Variants in CADM2 observed in about 807,000 individuals in gnomAD.
The protein encoded by CADM2 is cell adhesion molecule 2, also known as immunoglobulin superfamily member 4D.
Under a neutral mutation model 49.8 loss-of-function variants are expected in CADM2, and 12 were observed. The observed-to-expected ratio is 0.24, with a 90% confidence interval of 0.15 to 0.39. CADM2 has a LOEUF of 0.39. Among genes scored for constraint, CADM2 ranks in the 10% least tolerant of loss-of-function variants. CADM2 has a pLI of 1.00. For missense variants in CADM2, 378 were observed against 492.3 expected, an observed-to-expected ratio of 0.77 and a Z score of 2.20; for synonymous variants, 214 against 175.4, an observed-to-expected ratio of 1.22 and a Z score of -1.74.
intron 1 of CADM2, among the ~76,000 whole-genome samples, chr3:85,317,145 G>C (rs1357810769): frequency 1.3e-5 from 2 of 152,138 alleles, no homozygotes; most frequent in African/African-American, 4.8e-5. Context: ...GGGGGATGGG[G>C]GGTGGTGGTG....
At chr3:85,134,188 A>G (rs1006849602) in intron 1 of CADM2, among the ~76,000 whole-genome samples, 2 of 152,134 alleles carry the variant, frequency 1.3e-5, no homozygotes, top group African/African-American at 4.8e-5. Flanking sequence ...CCCACCCGGA[A>G]CTCCAGCTGG....
intron 3 of CADM2, among the ~76,000 whole-genome samples, chr3:85,818,821 A>G (rs2073379400): frequency 6.6e-6 from 1 of 151,764 alleles, no homozygotes; most frequent in African/African-American, 2.4e-5. Flanking sequence ...ATGGCCTGGA[A>G]CAGAGCATGA....
At chr3:85,275,093 A>T (rs1473933484) in intron 1 of CADM2, among the ~76,000 whole-genome samples, 1 of 151,516 alleles carries the variant, frequency 6.6e-6, no homozygotes, top group African/African-American at 2.4e-5. Context: ...TATTAAGGCC[A>T]TTTTAAATGT....
chr3:85,232,116 A>G (rs1312365109), intron 1 of CADM2, among the ~76,000 whole-genome samples: 1 of 142,682 alleles, frequency 7.0e-6, no homozygotes, highest in Non-Finnish European at 1.5e-5. Flanking sequence ...TTTTTGTGTT[A>G]TTTTGTTCGA....
chr3:85,711,595 T>C (rs1165513786), intron 1 of CADM2, among the ~76,000 whole-genome samples: 1 of 152,168 alleles, frequency 6.6e-6, no homozygotes, highest in African/African-American at 2.4e-5. Context: ...TCTTTTCCAA[T>C]TTACATTCTA....
At chr3:85,449,559 G>GTTTT (rs33948520) in intron 1 of CADM2, among the ~76,000 whole-genome samples, 1 of 148,546 alleles carries the variant, frequency 6.7e-6, no homozygotes, top group Non-Finnish European at 1.5e-5. Context: ...GAAATATAAG[G>GTTTT]TTTTTTTTTT....
chr3:85,833,497 G>C (rs1002224059), intron 3 of CADM2, among the ~76,000 whole-genome samples: 1 of 151,550 alleles, frequency 6.6e-6, no homozygotes, highest in Non-Finnish European at 1.5e-5. Context: ...CATTACTGAT[G>C]CAATTTCAGA....
intron 1 of CADM2, among the ~76,000 whole-genome samples, chr3:85,363,855 C>T (rs1191679030): frequency 2.0e-5 from 3 of 152,168 alleles, no homozygotes; most frequent in African/African-American, 7.2e-5. Flanking sequence ...TCGTGATCCG[C>T]CCGCCTCGGC....
intron 1 of CADM2, among the ~76,000 whole-genome samples, chr3:85,388,959 G>A (rs551129227): frequency 1.3e-5 from 2 of 152,246 alleles, no homozygotes; most frequent in East Asian, 3.9e-4. Context: ...TAGACCATCT[G>A]GGGGTATTGG....
At chr3:85,011,845 C>T (rs1441589133) in intron 1 of CADM2, among the ~76,000 whole-genome samples, 2 of 151,376 alleles carry the variant, frequency 1.3e-5, no homozygotes, top group East Asian at 3.9e-4. Context: ...GCACTACAAC[C>T]GGGGTTACAA....
At chr3:86,031,315 T>C (rs895211709) in intron 8 of CADM2, among the ~76,000 whole-genome samples, 4 of 151,790 alleles carry the variant, frequency 2.6e-5, no homozygotes, top group Non-Finnish European at 4.4e-5. Flanking sequence ...AGTTCTGTCA[T>C]TACTGAAAAT....
chr3:85,118,282 T>C (rs1056259860), intron 1 of CADM2, among the ~76,000 whole-genome samples: 1 of 152,046 alleles, frequency 6.6e-6, no homozygotes, highest in South Asian at 2.1e-4. Context: ...TAAAATATCA[T>C]GTTATTTTGG....
chr3:85,962,980 G>T (rs911167246), intron 8 of CADM2, among the ~76,000 whole-genome samples: 1 of 151,770 alleles, frequency 6.6e-6, no homozygotes, highest in African/African-American at 2.4e-5. Flanking sequence ...AAGAAATTTG[G>T]GGGTCTAGTA....
At chr3:85,034,548 T>C (rs1245209072) in intron 1 of CADM2, among the ~76,000 whole-genome samples, 2 of 152,186 alleles carry the variant, frequency 1.3e-5, no homozygotes, top group Admixed American at 6.5e-5. Flanking sequence ...TGAATAGTGC[T>C]GCAATAAACA....
chr3:85,225,269 T>C (rs2042132024), intron 1 of CADM2, among the ~76,000 whole-genome samples: 1 of 152,196 alleles, frequency 6.6e-6, no homozygotes, highest in Admixed American at 6.6e-5. Flanking sequence ...TCTCCTCTTT[T>C]ATTTCCTTGA....
At chr3:85,272,111 T>G (rs72919227) in intron 1 of CADM2, among the ~76,000 whole-genome samples, 10,265 of 150,880 alleles carry the variant, frequency 0.068, 1,142 homozygotes, top group African/African-American at 0.23. Flanking sequence ...GGTTTGCTGC[T>G]AATGATCCAA....
intron 3 of CADM2, among the ~76,000 whole-genome samples, chr3:85,862,012 A>C (rs1336999259): frequency 6.6e-6 from 1 of 152,132 alleles, no homozygotes; most frequent in East Asian, 1.9e-4. Context: ...ACACAATTGC[A>C]ATAATTTTTA....
intron 1 of CADM2, among the ~76,000 whole-genome samples, chr3:85,542,649 A>AT (rs1371582422): frequency 1.3e-5 from 2 of 152,174 alleles, no homozygotes; most frequent in African/African-American, 4.8e-5. Context: ...ATATATTGAC[A>AT]TAGCTATTAA....
chr3:84,989,097 T>C (rs1240353129), intron 1 of CADM2, among the ~76,000 whole-genome samples: 2 of 152,168 alleles, frequency 1.3e-5, no homozygotes, highest in African/African-American at 4.8e-5. Flanking sequence ...GGAGACCAAT[T>C]ACCTGTTTTG....
Sources: gnomAD v4.1 joint callset for allele counts (sites outside exome capture counted in the v4.1 genomes callset) on GRCh38, gnomAD v4.1.1 for gene constraint, MANE v1.5 for transcripts, NCBI Gene and HGNC (gene_info 2026-07-23, HGNC 2026-07-21) for gene names.